The following TGFA variants were observed in gnomAD, a reference collection of about 807,000 sequenced individuals.
TGFA encodes protransforming growth factor alpha.
Under a neutral mutation model 21.7 loss-of-function variants are expected in TGFA, and 12 were observed. The ratio of observed to expected loss-of-function variants is 0.55; its 90% CI spans 0.35 to 0.90. The LOEUF is 0.90. TGFA is among the 40% of genes least tolerant of loss of function. The probability of loss-of-function intolerance (pLI) is 0.01; values close to 1 mark genes in which losing one functional copy is unlikely to be tolerated. For synonymous variants in TGFA, 79 were observed against 88.1 expected, an observed-to-expected ratio of 0.90 and a Z score of 0.58; for missense variants, 178 against 210.8, an observed-to-expected ratio of 0.84 and a Z score of 0.96.
intron 2 of TGFA, among the ~76,000 whole-genome samples, chr2:70,478,336 T>C (rs1243235497): frequency 2.1e-4 from 32 of 152,208 alleles, no homozygotes; most frequent in Admixed American, 2.1e-3. Flanking sequence ...GATGCAAATA[T>C]ACTGCATTCT....
At position 70,537,531 on chromosome 2, in the gene TGFA, T is replaced by A. The variant is rs114715030; in HGVS notation, c.40+16197A>T. On this transcript the variant is annotated intron_variant, in intron 1 of 5. Transcript: ENST00000295400. ...GAGAAAATTAAAAGTGCTACTCCAG[T>A]GAATACACAAATGATAAGAGAGCAC... is the stretch of plus-strand genomic sequence containing the variant. Among the ~76,000 whole-genome samples the A allele has an allele frequency of 4.1e-3, 625 of 152,356 alleles. 3 individuals carry two copies. The highest frequency in any genetic ancestry group is 0.014 in the African/African-American group (585 of 41,584).
At chr2:70,548,799 T>C (rs1443826151) in intron 1 of TGFA, among the ~76,000 whole-genome samples, 6 of 152,250 alleles carry the variant, frequency 3.9e-5, no homozygotes, top group Non-Finnish European at 7.3e-5. Context: ...ATTTACCATT[T>C]TACCCAGTTT....
At chr2:70,507,011 G>T (rs1553500223) in intron 2 of TGFA, among the ~76,000 whole-genome samples, 1 of 152,256 alleles carries the variant, frequency 6.6e-6, no homozygotes, top group South Asian at 2.1e-4. Flanking sequence ...CTGAGGCAAA[G>T]TGGCAAATGC....
At chr2:70,505,861 C>T (rs797042859) in intron 2 of TGFA, among the ~76,000 whole-genome samples, 10 of 152,162 alleles carry the variant, frequency 6.6e-5, no homozygotes, top group African/African-American at 2.4e-4. Flanking sequence ...TTCCATTACA[C>T]ATTCTGATAA....
At chr2:70,458,895 T>G (rs894554542) in intron 3 of TGFA, among the ~76,000 whole-genome samples, 1 of 152,182 alleles carries the variant, frequency 6.6e-6, no homozygotes, top group Admixed American at 6.5e-5. Flanking sequence ...AAACCTCCGG[T>G]GAACCACTGA....
chr2:70,461,945 G>A (rs782080325), intron 3 of TGFA, among the ~76,000 whole-genome samples: 1 of 152,100 alleles, frequency 6.6e-6, no homozygotes, highest in Admixed American at 6.5e-5. Context: ...ATTTTATAGC[G>A]TGAGATGTCA....
intron 3 of TGFA, among the ~76,000 whole-genome samples, chr2:70,458,529 T>C (rs1242834554): frequency 6.6e-6 from 1 of 152,100 alleles, no homozygotes; most frequent in Non-Finnish European, 1.5e-5. Flanking sequence ...ACACTGCACC[T>C]AGCACAGTTC....
At chr2:70,517,283 C>A (rs1672313370) in intron 1 of TGFA, among the ~76,000 whole-genome samples, 1 of 152,236 alleles carries the variant, frequency 6.6e-6, no homozygotes, top group South Asian at 2.1e-4. Context: ...CGGAAAACAA[C>A]TTCTTGGTGC....
At chr2:70,469,568 C>T (rs1670672237) in intron 2 of TGFA, among the ~76,000 whole-genome samples, 1 of 152,132 alleles carries the variant, frequency 6.6e-6, no homozygotes, top group Non-Finnish European at 1.5e-5. Flanking sequence ...AACTCCTGGG[C>T]TCAAGTGATC....
At chr2:70,463,093 G>A (rs919773165) in intron 3 of TGFA, among the ~76,000 whole-genome samples, 2 of 152,124 alleles carry the variant, frequency 1.3e-5, no homozygotes, top group Non-Finnish European at 2.9e-5. Flanking sequence ...GGAATGATGG[G>A]ACTGAACTCC....
Position 70,449,754 on chromosome 2 carries a change from C to CT in TGFA, c.*1104dup, listed in dbSNP as rs1287721656. 1 of 190,694 alleles carries CT rather than the reference C, an allele frequency of 5.2e-6. No individual in the cohort carries two copies. The allele number at this position is 190,694 out of a possible 1,614,324, so 11.8% of individuals were successfully genotyped here. On this transcript the variant is annotated 3_prime_UTR_variant, in exon 6 of 6. Coordinates refer to ENST00000295400, the MANE Select transcript of TGFA (RefSeq NM_003236.4). ...AAGCAACAAAATGGAAAATAAATGA[C>CT]TGGTCCCCCTTTCATGGATTTGGCC...
intron 2 of TGFA, among the ~76,000 whole-genome samples, chr2:70,504,433 A>AAT (rs200901290): frequency 0.019 from 1,194 of 62,220 alleles, 32 homozygotes; most frequent in Middle Eastern, 0.029. Flanking sequence ...AAACAAAACA[A>AAT]ATATATATAT....
chr2:70,514,993 T>C (rs1672228588), intron 1 of TGFA, 81 bp from the exon 2 acceptor site: 1 of 1,362,018 alleles, frequency 7.3e-7, no homozygotes, highest in East Asian at 2.4e-5. Flanking sequence ...GGCAGGCCCT[T>C]TGACAGGCAA....
At chr2:70,552,672 T>C (rs1673548566) in intron 1 of TGFA, among the ~76,000 whole-genome samples, 1 of 152,214 alleles carries the variant, frequency 6.6e-6, no homozygotes, top group Admixed American at 6.5e-5. Flanking sequence ...GCGAACCCCC[T>C]GTAGTTGTAC....
chr2:70,463,612 G>T (rs1362097061), intron 3 of TGFA, among the ~76,000 whole-genome samples: 1 of 152,174 alleles, frequency 6.6e-6, no homozygotes, highest in Non-Finnish European at 1.5e-5. Flanking sequence ...CTCACTTTGG[G>T]TCAGAACTTG....
In TGFA at chr2:70,448,006, C is replaced by G. The variant is rs1553488965; in HGVS notation, c.*2853G>C. 1 of 152,232 alleles carries G rather than the reference C, an allele frequency of 6.6e-6. No individual in the cohort carries two copies. Among genetic ancestry groups the G allele is most frequent in the African/African-American group, 2.4e-5 (1 of 41,462 alleles). The allele number at this position is 152,232 out of a possible 1,614,324, so 9.4% of individuals were successfully genotyped here. ...ACAATCCCTTGAGAAGCTCCAGAAGCACAAATTCTCCTCCCTTACCAGTGT... is the reference window on the plus strand; with the variant it reads ...ACAATCCCTTGAGAAGCTCCAGAAGGACAAATTCTCCTCCCTTACCAGTGT... On this transcript the variant is annotated 3_prime_UTR_variant, in exon 6 of 6. Transcript: ENST00000295400.
rs528891476 is a variant in TGFA at position 70,451,767 on chromosome 2, G to C, written c.476-901C>G. Reference sequence around the variant, plus strand: ...ATAGATTAGCCCAAGGTAGCTGAAAGGAGATGTTGAGAGGGGGCTTTAGAG... The same window carrying C: ...ATAGATTAGCCCAAGGTAGCTGAAACGAGATGTTGAGAGGGGGCTTTAGAG... On this transcript the variant is annotated intron_variant, in intron 5 of 5. Coordinates refer to ENST00000295400, the MANE Select transcript of TGFA (RefSeq NM_003236.4). 6 of 701,892 alleles carry C rather than the reference G, an allele frequency of 8.5e-6. No homozygotes were observed. The African/African-American group carries it at 8.8e-5, about 10-fold the overall frequency. 43.5% of individuals were successfully genotyped at this position (701,892 alleles called of 1,614,324 possible). A position where few individuals can be genotyped will look rare whatever the true frequency, so the allele number is the denominator to read the frequency against.
chr2:70,477,900 T>C (rs539169364), intron 2 of TGFA, among the ~76,000 whole-genome samples: 358 of 152,352 alleles, frequency 2.3e-3, no homozygotes, highest in Non-Finnish European at 4.2e-3. Context: ...ATGCCAAGCC[T>C]GAAGTCTGGC....
At chr2:70,524,632 G>C (rs192404054) in intron 1 of TGFA, among the ~76,000 whole-genome samples, 1 of 152,252 alleles carries the variant, frequency 6.6e-6, no homozygotes, top group Non-Finnish European at 1.5e-5. Context: ...CAGCTGACTG[G>C]CACTGTGACA....
Sources: gnomAD v4.1 joint callset for allele counts (sites outside exome capture counted in the v4.1 genomes callset) on GRCh38, gnomAD v4.1.1 for gene constraint, MANE v1.5 for transcripts, NCBI Gene and HGNC (gene_info 2026-07-23, HGNC 2026-07-21) for gene names.